SPATA7: variants seen among roughly 807,000 people sequenced by gnomAD.
SPATA7 encodes the protein spermatogenesis associated 7.
In SPATA7, 43 loss-of-function variants were observed where a neutral mutation model predicts 51.8. The ratio of observed to expected loss-of-function variants is 0.83; its 90% CI spans 0.65 to 1.07. SPATA7 has a LOEUF of 1.07. SPATA7 is among the 50% of genes least tolerant of loss of function. The probability of loss-of-function intolerance (pLI) is 0.00; values close to 1 mark genes in which losing one functional copy is unlikely to be tolerated. For synonymous variants in SPATA7, 230 were observed against 252.8 expected (o/e 0.91, Z 0.86); for missense variants, 683 against 701.3 (o/e 0.97, Z 0.30).
intron 3 of SPATA7, among the ~76,000 whole-genome samples, chr14:88,454,381 T>A (rs1436425025): frequency 1.3e-5 from 2 of 152,214 alleles, no homozygotes; most frequent in Non-Finnish European, 2.9e-5. Context: ...CAAAAATGCT[T>A]CATTTAGTCA....
exon 4 of SPATA7, chr14:88,455,071 T>G (rs1239309892): frequency 2.2e-6 from 1 of 455,878 alleles, no homozygotes; most frequent in East Asian, 6.9e-5. Context: ...TTCCAGATGC[T>G]GCTACTACTG....
rs779875860 is a variant in SPATA7, at chr14:88,438,252, G to A, written c.1630G>A (p.Asp544Asn). 4 of 1,614,110 alleles carry A rather than the reference G, an allele frequency of 2.5e-6. No homozygotes were observed. Among genetic ancestry groups the A allele is most frequent in the East Asian group, 4.5e-5 (2 of 44,868 alleles). The change falls in exon 12 of 12, where the codon GAT becomes AAT. Residue 544 changes from aspartate (D) to asparagine (N), a missense_variant. Asp to Asn is a conservative substitution (Grantham distance 23, BLOSUM62 1). Coordinates refer to ENST00000393545, the MANE Select transcript of SPATA7 (RefSeq NM_018418.5). ...RETSVNVIEG[D>N]SDPEKVEISN... ...AACTTCTGTGAATGTCATTGAAGGT[G>A]ATAGTGACCCTGAAAAGGTTGAGAT...
chr14:88,446,431 C>G (rs538567279), intron 3 of SPATA7, among the ~76,000 whole-genome samples: 3,957 of 152,158 alleles, frequency 0.026, 179 homozygotes, highest in African/African-American at 0.09. Flanking sequence ...TTTCAAAAAA[C>G]CAGCTCCTGG....
intron 4 of SPATA7, chr14:88,468,374 C>CT: frequency 2.8e-6 from 3 of 1,070,754 alleles, no homozygotes; most frequent in Admixed American, 5.3e-5. Flanking sequence ...TGGACAGTCT[C>CT]TTTTCCACCT....
At chr14:88,455,157 A>G (rs1209649132) in exon 4 of SPATA7, 1 of 451,506 alleles carries the variant, frequency 2.2e-6, no homozygotes, top group East Asian at 7.0e-5. Context: ...AGAGGTGGCC[A>G]CATGAAGAGC....
At chr14:88,437,466 T>G in intron 10 of SPATA7, 77 bp from the exon 11 acceptor site, 1 of 997,500 alleles carries the variant, frequency 1.0e-6, no homozygotes. Context: ...CTTTGTAGTT[T>G]CAGTGTTACG....
At chr14:88,408,694 A>AAGGGAATGCTTCC (rs141315863) in intron 4 of SPATA7, among the ~76,000 whole-genome samples, 5,335 of 152,252 alleles carry the variant, frequency 0.035, 305 homozygotes, top group African/African-American at 0.12. Context: ...CCGGTTTTCA[A>AAGGGAATGCTTCC]AGGGAATGCT....
At chr14:88,418,754 G>A (rs992990013) in intron 5 of SPATA7, among the ~76,000 whole-genome samples, 14 of 152,126 alleles carry the variant, frequency 9.2e-5, no homozygotes, top group Non-Finnish European at 1.3e-4. Context: ...GATTACAGGC[G>A]TGAGCCACCA....
At position 88,391,375 on chromosome 14, in the gene SPATA7, TA is replaced by T; in HGVS notation, c.20-2del. 1 of 1,611,360 alleles carries T rather than the reference TA, an allele frequency of 6.2e-7. No homozygotes were observed. Among genetic ancestry groups the T allele is most frequent in the South Asian group, 1.1e-5 (1 of 90,584 alleles). On this transcript the variant is annotated splice_region_variant and splice_polypyrimidine_tract_variant and intron_variant, in intron 1 of 11. Coordinates refer to ENST00000393545, the MANE Select transcript of SPATA7 (RefSeq NM_018418.5). ...CTAATTTATGATTTTTTTTTCTTGT[TA>T]AAAGTCAGAGCAACCTCTGTCCTTC...
chr14:88,463,137 G>T (rs559315275), intron 4 of SPATA7, among the ~76,000 whole-genome samples: 67 of 152,208 alleles, frequency 4.4e-4, no homozygotes, highest in African/African-American at 1.5e-3. Flanking sequence ...TGCTCCTTCA[G>T]CTGGGTGCTG....
chr14:88,436,214 T>A (rs1024001842), intron 10 of SPATA7, among the ~76,000 whole-genome samples: 4 of 152,222 alleles, frequency 2.6e-5, no homozygotes, highest in Non-Finnish European at 5.9e-5. Flanking sequence ...GTATGTCTTT[T>A]GAGAATTGTC....
chr14:88,391,077 A>T (rs373719131), intron 1 of SPATA7, among the ~76,000 whole-genome samples: 1 of 152,174 alleles, frequency 6.6e-6, no homozygotes, highest in Non-Finnish European at 1.5e-5. Context: ...TATATCTTCT[A>T]GACTTTCTAT....
Position 88,469,702 on chromosome 14 carries a change from C to T in SPATA7, c.255-145C>T, listed in dbSNP as rs1345894332. 1.2e-6 allele frequency: 2 copies of T among 1,614,192 alleles called. No individual in the cohort carries two copies. The highest frequency in any genetic ancestry group is 1.7e-5 in the Admixed American group (1 of 60,012). Reference sequence around the variant, plus strand: ...GTTGTGCCTGGAACCAAGTCGTGGCCAGTACCTAAAGCTCTTCTCCCTTCC... The same window carrying T: ...GTTGTGCCTGGAACCAAGTCGTGGCTAGTACCTAAAGCTCTTCTCCCTTCC... On this transcript the variant is annotated intron_variant, in intron 4 of 4. Coordinates refer to the SPATA7 transcript ENST00000556406. The surrounding 1 kb of genome is among the most constrained non-coding windows in gnomAD (Gnocchi z 4.3).
intron 3 of SPATA7, among the ~76,000 whole-genome samples, chr14:88,452,178 ATTG>A (rs2077255505): frequency 6.6e-6 from 1 of 152,012 alleles, no homozygotes; most frequent in African/African-American, 2.4e-5. Flanking sequence ...AACTGCAGTG[ATTG>A]TTATTTCTCT....
downstream of SPATA7, among the ~76,000 whole-genome samples, chr14:88,441,592 A>G (rs61975261): frequency 1.3e-5 from 2 of 152,116 alleles, no homozygotes; most frequent in Non-Finnish European, 2.9e-5. Flanking sequence ...CAGTTCCTTG[A>G]TAATTAGTGA....
intron 4 of SPATA7, among the ~76,000 whole-genome samples, chr14:88,396,897 G>A (rs1380372011): frequency 3.0e-5 from 4 of 134,944 alleles, no homozygotes; most frequent in Non-Finnish European, 6.2e-5. Flanking sequence ...TTGAGACAGG[G>A]TCTCACTCTA....
At chr14:88,429,313 AG>A in intron 7 of SPATA7, 34 bp from the exon 8 acceptor site, 1 of 1,268,648 alleles carries the variant, frequency 7.9e-7, no homozygotes, top group South Asian at 1.2e-5. Context: ...TGTATTTTTA[AG>A]CAAAAATAAA....
chr14:88,452,709 A>G (rs1291463942), intron 3 of SPATA7, among the ~76,000 whole-genome samples: 1 of 152,154 alleles, frequency 6.6e-6, no homozygotes, highest in African/African-American at 2.4e-5. Context: ...TCTTCCCTCC[A>G]GTATACCCCC....
intron 4 of SPATA7, among the ~76,000 whole-genome samples, chr14:88,465,204 C>T (rs368650487): frequency 1.4e-4 from 21 of 152,264 alleles, no homozygotes; most frequent in South Asian, 4.1e-4. Flanking sequence ...CAGTGGCTCA[C>T]GCCTGTAATC....
Sources: allele counts gnomAD v4.1 joint callset (sites outside exome capture counted in the v4.1 genomes callset), GRCh38; gene constraint gnomAD v4.1.1; non-coding constraint Gnocchi (gnomAD v3.1); transcripts MANE v1.5; gene names NCBI Gene and HGNC (gene_info 2026-07-23, HGNC 2026-07-21).